IL1RAPL2: variants seen among roughly 807,000 people sequenced by gnomAD.
IL1RAPL2 encodes the protein X-linked interleukin-1 receptor accessory protein-like 2.
In IL1RAPL2, 3 loss-of-function variants were observed where a neutral mutation model predicts 44.1. That is an observed-to-expected ratio of 0.07 (90% CI 0.03 to 0.18). IL1RAPL2 has a LOEUF of 0.18. IL1RAPL2 is among the 10% of genes least tolerant of loss of function. The pLI is 1.00. For missense variants in IL1RAPL2, 391 were observed against 496.4 expected (o/e 0.79, Z 2.02); for synonymous variants, 181 against 178.8 (o/e 1.01, Z -0.10).
chrX:105,014,451 T>C (rs2031129757), intron 2 of IL1RAPL2, among the ~76,000 whole-genome samples: 2 of 110,975 alleles, frequency 1.8e-5, no homozygotes, highest in Admixed American at 1.9e-4. Context: ...CTCCTAATGC[T>C]ATCCCTCCCC....
chrX:105,195,830 ATGT>A lies in IL1RAPL2; in HGVS notation c.356+86_356+88del, dbSNP rs1460608253. On this transcript the variant is annotated intron_variant, in intron 3 of 10. Transcript: ENST00000372582. ...ACTTGAGTACATGTAGGTATGCCTC[ATGT>A]TGTATAATGGATATGTTCTTGAAAG... 5 of 913,331 alleles carry A rather than the reference ATGT, an allele frequency of 5.5e-6. No individual in the cohort carries two copies. The African/African-American group carries it at 9.7e-5, about 18-fold the overall frequency. 75.3% of individuals were successfully genotyped at this position (913,331 alleles called of 1,213,427 possible).
intron 5 of IL1RAPL2, among the ~76,000 whole-genome samples, chrX:105,379,376 A>G (rs1409203422): frequency 8.9e-6 from 1 of 111,834 alleles, no homozygotes; most frequent in African/African-American, 3.2e-5. Context: ...TAGCCTTTGA[A>G]GGATTTTTAT....
chrX:105,311,613 C>CAT (rs199626060), intron 5 of IL1RAPL2, among the ~76,000 whole-genome samples: 1,108 of 89,373 alleles, frequency 0.012, 22 homozygotes, highest in African/African-American at 0.056. Context: ...TACATACATA[C>CAT]ACACACACAC....
rs1465783586 is a variant in IL1RAPL2, at chrX:105,162,411, A to T, written c.83-33064A>T. ...GGGAAAATTTTGGAACTTAAAAAGC[A>T]CTCAAATCAGGCACAGTATTCCAGG... On this transcript the variant is annotated intron_variant, in intron 2 of 10. Transcript: ENST00000372582. Among the ~76,000 whole-genome samples the T allele has an allele frequency of 3.6e-5, 4 of 112,162 alleles. No individual in the cohort carries two copies. In the East Asian group the frequency reaches 1.1e-3, roughly 31 times the overall value.
At chrX:104,999,494 T>C (rs1487479477) in intron 2 of IL1RAPL2, among the ~76,000 whole-genome samples, 1 of 111,959 alleles carries the variant, frequency 8.9e-6, no homozygotes, top group Non-Finnish European at 1.9e-5. Context: ...TGCACAGTTG[T>C]ATGGTCTCCA....
At chrX:105,302,618 T>A (rs376858023) in intron 5 of IL1RAPL2, among the ~76,000 whole-genome samples, 2 of 111,911 alleles carry the variant, frequency 1.8e-5, no homozygotes, top group Admixed American at 9.5e-5. Flanking sequence ...GATATTCAAG[T>A]TGTAAGACAA....
At chrX:104,770,107 C>A (rs751342078) in intron 2 of IL1RAPL2, among the ~76,000 whole-genome samples, 2 of 110,552 alleles carry the variant, frequency 1.8e-5, no homozygotes, top group South Asian at 7.7e-4. Context: ...GTGAATTAGG[C>A]TTTGATCACC....
chrX:105,146,914 T>A (rs974932931), intron 2 of IL1RAPL2, among the ~76,000 whole-genome samples: 2 of 111,736 alleles, frequency 1.8e-5, no homozygotes, highest in Non-Finnish European at 3.8e-5. Flanking sequence ...GTATTATAGG[T>A]CATAGATTTT....
Position 105,749,010 on chromosome X carries a change from C to T in IL1RAPL2, c.1099C>T (p.Leu367Phe). The change falls in exon 9 of 11, where the codon CTC becomes TTC. Residue 367 changes from leucine to phenylalanine, a missense_variant. Leu to Phe is a conservative substitution (Grantham distance 22). Around this residue, in one of 2 missense-constraint regions of IL1RAPL2, gnomAD observed 232 missense variants for 244.8 expected, o/e 0.95. Transcript: ENST00000372582. The part of the protein sequence containing the change: ...LAGGLGAIFL[L>F]LVLLVVIYKC... ...AGGGGGCCTGGGAGCAATCTTCCTCCTCCTTGTACTGCTGGTGGTCATTTA... is the reference window on the plus strand; with the variant it reads ...AGGGGGCCTGGGAGCAATCTTCCTCTTCCTTGTACTGCTGGTGGTCATTTA... The T allele has an allele frequency of 8.3e-7, 1 of 1,208,166 alleles. No homozygotes were observed. Among genetic ancestry groups the T allele is most frequent in the Non-Finnish European group, 1.1e-6 (1 of 892,586 alleles).
intron 5 of IL1RAPL2, among the ~76,000 whole-genome samples, chrX:105,431,514 G>C (rs984519551): frequency 4.5e-4 from 50 of 111,395 alleles, no homozygotes; most frequent in Non-Finnish European, 1.7e-4. Context: ...AACATGATCT[G>C]ACCTCTGATA....
chrX:104,629,351 G>C (rs1929587139), intron 1 of IL1RAPL2, among the ~76,000 whole-genome samples: 1 of 111,319 alleles, frequency 9.0e-6, no homozygotes, highest in African/African-American at 3.3e-5. Context: ...TCTATTTAGA[G>C]CTTTTGCCTA....
intron 2 of IL1RAPL2, among the ~76,000 whole-genome samples, chrX:105,172,090 C>T (rs1372094775): frequency 8.9e-6 from 1 of 112,062 alleles, no homozygotes; most frequent in African/African-American, 3.2e-5. Context: ...GTGTGGAAGG[C>T]ATGAGGGTAA....
intron 2 of IL1RAPL2, among the ~76,000 whole-genome samples, chrX:104,764,061 A>T (rs760726585): frequency 9.0e-6 from 1 of 111,582 alleles, no homozygotes; most frequent in African/African-American, 3.3e-5. Context: ...CTGGTTCCAT[A>T]TAAATTTTAG....
intron 5 of IL1RAPL2, among the ~76,000 whole-genome samples, chrX:105,407,286 T>G (rs1437391244): frequency 9.0e-6 from 1 of 111,012 alleles, no homozygotes; most frequent in Non-Finnish European, 1.9e-5. Flanking sequence ...AACTAGATAT[T>G]GCTGCCTTTT....
chrX:104,566,766 C>T lies in IL1RAPL2; in HGVS notation c.-305C>T, dbSNP rs1327422987. The T allele has an allele frequency of 8.8e-6, 1 of 113,227 alleles. No individual in the cohort carries two copies. The allele number at this position is 113,227 out of a possible 1,213,427, so 9.3% of individuals were successfully genotyped here. ...TCCTTAACTCTCCCTTTCCAGCTCT[C>T]CCCAAAGTCCACAGAAGCTCTGCTG... On this transcript the variant is annotated 5_prime_UTR_variant, in exon 1 of 11. Coordinates refer to ENST00000372582, the MANE Select transcript of IL1RAPL2 (RefSeq NM_017416.2).
chrX:105,528,495 T>C (rs1261399519), intron 6 of IL1RAPL2, among the ~76,000 whole-genome samples: 1 of 111,955 alleles, frequency 8.9e-6, no homozygotes, highest in Admixed American at 9.5e-5. Flanking sequence ...TTTTATTTTA[T>C]TTTTCACAAC....
At chrX:105,259,260 G>C (rs1214914664) in intron 4 of IL1RAPL2, among the ~76,000 whole-genome samples, 1 of 111,663 alleles carries the variant, frequency 9.0e-6, no homozygotes, top group Non-Finnish European at 1.9e-5. Flanking sequence ...TTATTGGTCA[G>C]TTGGTACACT....
chrX:105,247,693 T>G (rs1292473935), intron 4 of IL1RAPL2, among the ~76,000 whole-genome samples: 1 of 107,228 alleles, frequency 9.3e-6, no homozygotes, highest in Non-Finnish European at 1.9e-5. Flanking sequence ...TGAAGAGGTA[T>G]ATTAATATAA....
intron 1 of IL1RAPL2, among the ~76,000 whole-genome samples, chrX:104,631,517 T>G (rs866913687): frequency 3.6e-5 from 4 of 111,431 alleles, no homozygotes; most frequent in South Asian, 3.8e-4. Context: ...CCTGACTTTT[T>G]AATGATCGCC....
Sources: gnomAD v4.1 joint callset for allele counts (sites outside exome capture counted in the v4.1 genomes callset) on GRCh38, gnomAD v4.1.1 for gene constraint, gnomAD v4.1.1 regional missense constraint, MANE v1.5 for transcripts, NCBI Gene and HGNC (gene_info 2026-07-23, HGNC 2026-07-21) for gene names.